The following CDKN2B-AS1 variants were observed in gnomAD, a reference collection of about 807,000 sequenced individuals.
CDKN2B-AS1 encodes the protein CDKN2B and CDKN2A antisense cis and trans regulatory RNA 1, also known as CDKN2B antisense RNA 1 (non-protein coding).
At chr9:22,116,873 C>T (rs1221614550) in intron 4 of CDKN2B-AS1, among the ~76,000 whole-genome samples, 1 of 152,172 alleles carries the variant, frequency 6.6e-6, no homozygotes, top group Non-Finnish European at 1.5e-5. Flanking sequence ...AACCATTCTT[C>T]CTGAATAACT....
intron 1 of CDKN2B-AS1, chr9:22,008,706 A>G (rs1161451375): frequency 6.2e-7 from 1 of 1,611,522 alleles, no homozygotes; most frequent in Non-Finnish European, 8.5e-7. Context: ...GTACAAATCT[A>G]CATCGGCGAT....
At chr9:22,113,271 C>T (rs1328686810) in intron 4 of CDKN2B-AS1, among the ~76,000 whole-genome samples, 1 of 152,150 alleles carries the variant, frequency 6.6e-6, no homozygotes, top group Non-Finnish European at 1.5e-5. Context: ...CTTATCAAGC[C>T]ATCCATATGA....
At chr9:22,079,428 C>G (rs1354315347) in intron 4 of CDKN2B-AS1, among the ~76,000 whole-genome samples, 1 of 148,536 alleles carries the variant, frequency 6.7e-6, no homozygotes, top group Non-Finnish European at 1.5e-5. Flanking sequence ...GTGGAGGTTA[C>G]AGTAAGCCGA....
chr9:22,006,124 C>G lies in CDKN2B-AS1; in HGVS notation n.29+10963C>G, dbSNP rs917099997. 3.7e-6 allele frequency: 6 copies of G among 1,611,002 alleles called. No homozygotes were observed. The highest frequency in any genetic ancestry group is 5.1e-6 in the Non-Finnish European group (6 of 1,179,842). On this transcript the variant is annotated intron_variant and non_coding_transcript_variant, in intron 1 of 4. Transcript: ENST00000650946. The surrounding 1 kb of genome is among the most constrained non-coding windows in gnomAD (Gnocchi z 6.4). Reference sequence around the variant, plus strand: ...GCCCGGTGCAGCACCACCAGCGTGTCCAGGAAGCCCTCCCGGGCAGCATCA... The same window carrying G: ...GCCCGGTGCAGCACCACCAGCGTGTGCAGGAAGCCCTCCCGGGCAGCATCA...
rs1054908925 is a variant in CDKN2B-AS1, at chr9:21,997,230, G to T, written n.29+2069G>T. Reference sequence around the variant, plus strand: ...CTGTAGATAATTGTAACAAAATGTAGTTTTATATCTAAACACATCTAAACA... The same window carrying T: ...CTGTAGATAATTGTAACAAAATGTATTTTTATATCTAAACACATCTAAACA... On this transcript the variant is annotated intron_variant and non_coding_transcript_variant, in intron 1 of 4. Transcript: ENST00000650946. The surrounding 1 kb of genome is among the most constrained non-coding windows in gnomAD (Gnocchi z 4.8). Among the ~76,000 whole-genome samples the T allele has an allele frequency of 2.0e-5, 3 of 152,124 alleles. No individual in the cohort carries two copies. The highest frequency in any genetic ancestry group is 7.2e-5 in the African/African-American group (3 of 41,416).
intron 4 of CDKN2B-AS1, among the ~76,000 whole-genome samples, chr9:22,088,044 A>G (rs1587513192): frequency 6.6e-6 from 1 of 152,304 alleles, no homozygotes; most frequent in Middle Eastern, 3.4e-3. Flanking sequence ...AAGAACTAAA[A>G]GAAAGGAGGA....
chr9:22,024,118 T>C (rs1319754129), intron 1 of CDKN2B-AS1, among the ~76,000 whole-genome samples: 1 of 152,244 alleles, frequency 6.6e-6, no homozygotes, highest in African/African-American at 2.4e-5. Context: ...GATTATTTTT[T>C]CTTTTATCCT....
intron 4 of CDKN2B-AS1, among the ~76,000 whole-genome samples, chr9:22,108,854 G>A (rs1054883182): frequency 2.6e-5 from 4 of 151,974 alleles, no homozygotes; most frequent in African/African-American, 9.7e-5. Context: ...TTAAGCAAGG[G>A]TTTAGTTTTT....
chr9:22,059,247 G>A (rs1469674266), intron 4 of CDKN2B-AS1, among the ~76,000 whole-genome samples: 1 of 152,174 alleles, frequency 6.6e-6, no homozygotes, highest in Non-Finnish European at 1.5e-5. Flanking sequence ...CTGCCTATGA[G>A]CCTGTAAAAT....
chr9:22,051,410 A>G (rs996657540), intron 3 of CDKN2B-AS1, among the ~76,000 whole-genome samples: 2 of 152,194 alleles, frequency 1.3e-5, no homozygotes, highest in East Asian at 1.9e-4. Flanking sequence ...AGTTATGCTT[A>G]TAAGAGTAAC....
At chr9:22,037,160 A>G (rs1190207813) in intron 1 of CDKN2B-AS1, among the ~76,000 whole-genome samples, 5 of 152,234 alleles carry the variant, frequency 3.3e-5, no homozygotes, top group Admixed American at 6.5e-5. Flanking sequence ...TGTTCAAGAA[A>G]TGTGTGTTAG....
chr9:22,021,490 C>T (rs1172579135), intron 1 of CDKN2B-AS1, among the ~76,000 whole-genome samples: 2 of 152,194 alleles, frequency 1.3e-5, no homozygotes, highest in African/African-American at 4.8e-5. Context: ...ATAGGTATAG[C>T]ACTGAATCTA....
At chr9:22,017,017 A>G (rs1288703404) in intron 1 of CDKN2B-AS1, among the ~76,000 whole-genome samples, 2 of 152,204 alleles carry the variant, frequency 1.3e-5, no homozygotes, top group African/African-American at 4.8e-5. Context: ...AAAATCTTTG[A>G]TTTCTGGTAT....
At chr9:22,065,517 T>G (rs939538733) in intron 4 of CDKN2B-AS1, 2 of 152,254 alleles carry the variant, frequency 1.3e-5, no homozygotes, top group Admixed American at 1.3e-4. Flanking sequence ...TAACTGAGAC[T>G]GTACTTGAGA....
At chr9:22,060,518 T>C (rs1222854528) in intron 4 of CDKN2B-AS1, among the ~76,000 whole-genome samples, 1 of 152,204 alleles carries the variant, frequency 6.6e-6, no homozygotes, top group Non-Finnish European at 1.5e-5. Context: ...TAGGAAATTC[T>C]AAGCATTCCC....
intron 4 of CDKN2B-AS1, among the ~76,000 whole-genome samples, chr9:22,069,617 T>C (rs1269978039): frequency 6.6e-6 from 1 of 152,158 alleles, no homozygotes; most frequent in Non-Finnish European, 1.5e-5. Context: ...CCAATCAAGG[T>C]ATATTTAGTG....
At chr9:22,038,248 T>C (rs1026303209) in intron 1 of CDKN2B-AS1, among the ~76,000 whole-genome samples, 1 of 151,894 alleles carries the variant, frequency 6.6e-6, no homozygotes, top group Non-Finnish European at 1.5e-5. Flanking sequence ...ACAGGAAATG[T>C]GAAACACTGT....
exon 5 of CDKN2B-AS1, among the ~76,000 whole-genome samples, chr9:22,127,313 C>T (rs111340460): frequency 5.9e-5 from 9 of 152,176 alleles, no homozygotes; most frequent in African/African-American, 1.7e-4. Flanking sequence ...AACTCCTGAC[C>T]TTGTGATCCA....
chr9:22,007,250 A>T (rs561532605), intron 1 of CDKN2B-AS1, among the ~76,000 whole-genome samples: 1 of 152,202 alleles, frequency 6.6e-6, no homozygotes, highest in African/African-American at 2.4e-5. Flanking sequence ...TAGTCCCAGC[A>T]ACTCAGGAGG....
Sources: gnomAD v4.1 joint callset for allele counts (sites outside exome capture counted in the v4.1 genomes callset) on GRCh38, gnomAD v4.1.1 for gene constraint, Gnocchi (gnomAD v3.1) non-coding constraint, MANE v1.5 for transcripts, NCBI Gene and HGNC (gene_info 2026-07-23, HGNC 2026-07-21) for gene names.